XPO1: variants seen among roughly 807,000 people sequenced by gnomAD.
XPO1 encodes the protein exportin-1.
A neutral mutation model predicts 133.3 loss-of-function variants in XPO1; 5 were observed. The observed-to-expected ratio is 0.04, with a 90% CI of 0.02 to 0.08. The LOEUF is 0.08. Ranked by LOEUF, XPO1 falls within the 10% of genes least tolerant of loss-of-function variation. XPO1 has a pLI of 1.00. For synonymous variants in XPO1, 419 were observed against 408.2 expected (o/e 1.03, Z -0.32); for missense variants, 506 against 1,267.5 (o/e 0.40, Z 9.12).
At chr2:61,480,402 C>T (rs1015912896) in intron 24 of XPO1, 15 of 151,260 alleles carry the variant, frequency 9.9e-5, no homozygotes, top group South Asian at 6.3e-4. Flanking sequence ...GCCTCAGCCT[C>T]TCAAGTAGCT....
At chr2:61,502,205 A>C in intron 5 of XPO1, 44 bp downstream of exon 5, 2 of 1,595,964 alleles carry the variant, frequency 1.3e-6, no homozygotes, top group African/African-American at 1.4e-5. Flanking sequence ...TCAATATCTA[A>C]ATGATTTTAT....
At chr2:61,525,492 CTGT>C (rs1698875142) in intron 3 of XPO1, 1 of 1,009,256 alleles carries the variant, frequency 9.9e-7, no homozygotes, top group East Asian at 7.1e-5. Context: ...AATTCTTTAC[CTGT>C]TGCTTTCTTT....
chr2:61,524,259 T>C (rs1416714185), intron 3 of XPO1, among the ~76,000 whole-genome samples: 2 of 152,180 alleles, frequency 1.3e-5, no homozygotes, highest in Non-Finnish European at 2.9e-5. Context: ...AAACCCACCA[T>C]AAATATAGTT....
chr2:61,502,960 CTTTTCTTTTTT>C (rs1697609433), intron 4 of XPO1, among the ~76,000 whole-genome samples: 2 of 94,874 alleles, frequency 2.1e-5, no homozygotes, highest in African/African-American at 5.0e-5. Context: ...CCATGTGTTT[CTTTTCTTTTTT>C]TTTTTTTTTT....
intron 6 of XPO1, among the ~76,000 whole-genome samples, chr2:61,500,293 T>C (rs1218037833): frequency 6.6e-6 from 1 of 151,650 alleles, no homozygotes; most frequent in Non-Finnish European, 1.5e-5. Context: ...GAGAACAGCC[T>C]GGCCAGGCTG....
intron 2 of XPO1, among the ~76,000 whole-genome samples, chr2:61,530,154 T>G (rs1699089823): frequency 6.6e-6 from 1 of 152,216 alleles, no homozygotes; most frequent in Non-Finnish European, 1.5e-5. Flanking sequence ...CAGTAAAAGT[T>G]ACTTGGTCAA....
rs750267793 is a variant in XPO1 at position 61,495,466 on chromosome 2, T to C, written c.1036A>G (p.Thr346Ala). 2 of 1,568,260 alleles carry C rather than the reference T, an allele frequency of 1.3e-6. No homozygotes were observed. Among genetic ancestry groups the C allele is most frequent in the South Asian group, 1.2e-5 (1 of 83,390 alleles). ...LIEKRLNLRE[T>A]LMEALHYMLL... ...TCCACATATCTTACCTCCATAAGAG[T>C]TTCCCTGAGATTTAATCTTTTTTCT... The change falls in exon 11 of 25, where the codon ACT (threonine) becomes GCT (alanine). Residue 346 changes from threonine to alanine, a missense_variant. Thr to Ala is a moderately conservative substitution (Grantham distance 58). This residue lies in a region of XPO1 where 134 missense variants were observed against 261.6 expected (regional missense o/e 0.51). Transcript: ENST00000401558.
chr2:61,501,925 A>T, intron 6 of XPO1, 71 bp downstream of exon 6: 1 of 1,302,120 alleles, frequency 7.7e-7, no homozygotes, highest in Non-Finnish European at 1.1e-6. Context: ...TTTATTTCCT[A>T]AGTAGGTCGA....
intron 7 of XPO1, among the ~76,000 whole-genome samples, chr2:61,499,182 T>C (rs923957930): frequency 6.6e-6 from 1 of 152,216 alleles, no homozygotes; most frequent in Non-Finnish European, 1.5e-5. Context: ...TAGAGGCAAA[T>C]CTAGTTTTCT....
intron 17 of XPO1, among the ~76,000 whole-genome samples, chr2:61,489,469 C>T (rs542890416): frequency 5.3e-5 from 8 of 151,786 alleles, no homozygotes; most frequent in African/African-American, 1.9e-4. Context: ...GCTTCCCTTA[C>T]CCTAAACCAT....
intron 4 of XPO1, 49 bp from the exon 5 acceptor site, chr2:61,502,359 G>C: frequency 6.5e-7 from 1 of 1,538,346 alleles, no homozygotes; most frequent in African/African-American, 1.4e-5. Context: ...CTCTTTTGTA[G>C]CATGCAAATA....
At chr2:61,487,726 C>A (rs955643311) in intron 19 of XPO1, among the ~76,000 whole-genome samples, 11 of 152,078 alleles carry the variant, frequency 7.2e-5, no homozygotes, top group African/African-American at 2.7e-4. Flanking sequence ...TCCTTTTCTG[C>A]AAATCATTTA....
At chr2:61,479,156 T>TG (rs200500619) in intron 24 of XPO1, among the ~76,000 whole-genome samples, 190 bp from the exon 25 acceptor site, 4 of 152,016 alleles carry the variant, frequency 2.6e-5, no homozygotes, top group African/African-American at 7.2e-5. Context: ...TGTTAACTGG[T>TG]GGGGGGGAAG....
intron 4 of XPO1, 176 bp from the exon 5 acceptor site, chr2:61,502,486 A>C: frequency 3.5e-6 from 2 of 564,180 alleles, no homozygotes; most frequent in Non-Finnish European, 3.0e-6. Flanking sequence ...GCGGTGGCTC[A>C]CGCTTGTAAT....
rs1405265905 is a variant in XPO1, at chr2:61,537,592, C to T, written c.-37G>A. ...GATTGAACCAACTGCTCCTTCCTTC[C>T]TCGTTGGGGGATTAGGGCGAGGGAA... On this transcript the variant is annotated 5_prime_UTR_variant, in exon 1 of 25. Transcript: ENST00000401558. 1 of 151,798 alleles carries T rather than the reference C, an allele frequency of 6.6e-6. No homozygotes were observed. Among genetic ancestry groups the T allele is most frequent in the East Asian group, 1.9e-4 (1 of 5,264 alleles). 9.4% of individuals were successfully genotyped at this position (151,798 alleles called of 1,614,324 possible).
chr2:61,498,783 G>C lies in XPO1; in HGVS notation c.649C>G (p.Gln217Glu). The C allele has an allele frequency of 6.2e-7, 1 of 1,613,658 alleles. No individual in the cohort carries two copies. Among genetic ancestry groups the C allele is most frequent in the African/African-American group, 1.3e-5 (1 of 75,038 alleles). Residue 217 changes from glutamine (Q) to glutamate (E), a missense_variant, in exon 9 of 25, where the codon CAA becomes GAA. Around this residue, in one of 6 missense-constraint regions of XPO1, gnomAD observed 134 missense variants for 261.6 expected, o/e 0.51. Coordinates refer to ENST00000401558, the MANE Select transcript of XPO1 (RefSeq NM_003400.4). ...GTTGCATGTACAAGTGGAGCATTTT[G>C]AGAATTTTCCTATAACAAAACACAC... ...QLCQFVMENS[Q>E]NAPLVHATLE...
chr2:61,494,677 T>A (rs1247522780), intron 11 of XPO1: 1 of 152,328 alleles, frequency 6.6e-6, no homozygotes, highest in Non-Finnish European at 1.5e-5. Flanking sequence ...GGGTAAAGGG[T>A]CACCTTCGGG....
At chr2:61,495,000 C>CTGGGATT (rs1400597897) in intron 11 of XPO1, among the ~76,000 whole-genome samples, 1 of 151,802 alleles carries the variant, frequency 6.6e-6, no homozygotes, top group East Asian at 1.9e-4. Context: ...TGACACCACG[C>CTGGGATT]ACAGCTAATT....
intron 17 of XPO1, among the ~76,000 whole-genome samples, chr2:61,489,338 G>A (rs1173013858): frequency 2.7e-5 from 4 of 147,476 alleles, no homozygotes; most frequent in East Asian, 4.2e-4. Context: ...GCTTGAGCTC[G>A]GGAGGCAGAG....
Sources: allele counts gnomAD v4.1 joint callset (sites outside exome capture counted in the v4.1 genomes callset), GRCh38; gene constraint gnomAD v4.1.1; regional missense constraint gnomAD v4.1.1; transcripts MANE v1.5; gene names NCBI Gene and HGNC (gene_info 2026-07-23, HGNC 2026-07-21).